The following R3HCC1L variants were observed in gnomAD, a reference collection of about 807,000 sequenced individuals.
R3HCC1L encodes the protein R3H domain and coiled-coil containing 1 like, also known as coiled-coil domain-containing protein R3HCC1L.
In R3HCC1L, 51 loss-of-function variants were observed where a neutral mutation model predicts 59.9. The observed-to-expected ratio is 0.85, with a 90% CI of 0.68 to 1.07. The LOEUF is 1.07. Among genes scored for constraint, R3HCC1L ranks in the 50% least tolerant of loss-of-function variants. The pLI, the probability that R3HCC1L is intolerant of heterozygous loss-of-function variation, is 0.00. For synonymous variants in R3HCC1L, 322 were observed against 315.2 expected, an observed-to-expected ratio of 1.02 and a Z score of -0.23; for missense variants, 965 against 933.0, an observed-to-expected ratio of 1.03 and a Z score of -0.45.
rs1375806285 is a variant in R3HCC1L, at chr10:98,231,503, C to T, written c.1786-9C>T. The T allele has an allele frequency of 1.2e-6, 2 of 1,608,018 alleles. No homozygotes were observed. The highest frequency in any genetic ancestry group is 1.1e-5 in the South Asian group (1 of 89,600). On this transcript the variant is annotated splice_polypyrimidine_tract_variant and intron_variant, in intron 5 of 9. Transcript: ENST00000298999. ...GTAACCGGCACTTAACGTGCTTCTTCCTTTCTAGTTATCAGGGAATACCAA... is the reference window on the plus strand; with the variant it reads ...GTAACCGGCACTTAACGTGCTTCTTTCTTTCTAGTTATCAGGGAATACCAA...
At chr10:98,147,342 T>C (rs532242758) in intron 1 of R3HCC1L, among the ~76,000 whole-genome samples, 4 of 152,302 alleles carry the variant, frequency 2.6e-5, no homozygotes, top group Admixed American at 2.6e-4. Flanking sequence ...AGTTTGCAAG[T>C]ATTTTCTCCA....
intron 5 of R3HCC1L, among the ~76,000 whole-genome samples, chr10:98,221,687 G>A (rs1178557433): frequency 1.3e-5 from 2 of 151,988 alleles, no homozygotes; most frequent in African/African-American, 2.4e-5. Context: ...TCAGATAGTT[G>A]TAGATATGCA....
chr10:98,198,367 T>G (rs1851679048), intron 4 of R3HCC1L, among the ~76,000 whole-genome samples: 1 of 152,084 alleles, frequency 6.6e-6, no homozygotes, highest in South Asian at 2.1e-4. Context: ...ACATATACAC[T>G]GCTGAATGGC....
Position 98,227,975 on chromosome 10 carries a change from C to T in R3HCC1L, c.1786-3537C>T, listed in dbSNP as rs563341727. The stretch of plus-strand genomic sequence containing the variant: ...ATGTGCCACATTTTCTTAATCCAGT[C>T]TATCATTATTGGACATTTGGGTTGG... On this transcript the variant is annotated intron_variant, in intron 5 of 9. Transcript: ENST00000298999. Among the ~76,000 whole-genome samples the T allele has an allele frequency of 2.6e-5, 4 of 152,198 alleles. No homozygotes were observed. The South Asian group carries it at 8.3e-4, about 32-fold the overall frequency.
In R3HCC1L at chr10:98,209,302, A is replaced by G; in HGVS notation, c.1188A>G (p.Val396=). ...SDHVTVDSPY[V]VAVRIADETS... ...ATGTAACTGTTGATAGCCCTTATGT[A>G]GTTGCAGTTAGAATAGCTGATGAGA... The change falls in exon 5 of 10, where the codon GTA becomes GTG. Residue 396 remains valine, a synonymous_variant. Coordinates refer to ENST00000298999, the MANE Select transcript of R3HCC1L (RefSeq NM_001351015.2). 6.2e-7 allele frequency: 1 copy of G among 1,613,950 alleles called. No individual in the cohort carries two copies. The highest frequency in any genetic ancestry group is 8.5e-7 in the Non-Finnish European group (1 of 1,179,900).
chr10:98,169,920 T>A (rs1169303084), intron 4 of R3HCC1L, among the ~76,000 whole-genome samples: 1 of 151,914 alleles, frequency 6.6e-6, no homozygotes, highest in South Asian at 2.1e-4. Context: ...AGTGCTTTTT[T>A]TTGGGAATTG....
rs924958055 is a variant in R3HCC1L, at chr10:98,148,999, C to A, written c.-267-7094C>A. On this transcript the variant is annotated intron_variant, in intron 1 of 9. Coordinates refer to ENST00000298999, the MANE Select transcript of R3HCC1L (RefSeq NM_001351015.2). ...ACCAGTGAAGCCATCAGGTCCTGAG[C>A]TTTTCTTTAATGGGAGACTTTTTAT... is the stretch of plus-strand genomic sequence containing the variant. 2.6e-5 allele frequency among the ~76,000 whole-genome samples: 4 copies of A among 152,106 alleles called. No homozygotes were observed. The East Asian group carries it at 7.7e-4, about 29-fold the overall frequency.
At chr10:98,202,002 A>G (rs1336678729) in intron 4 of R3HCC1L, among the ~76,000 whole-genome samples, 1 of 152,006 alleles carries the variant, frequency 6.6e-6, no homozygotes, top group Non-Finnish European at 1.5e-5. Flanking sequence ...CGTGGCCTCA[A>G]GCTGTCCTCC....
intron 5 of R3HCC1L, among the ~76,000 whole-genome samples, chr10:98,230,670 G>T (rs1047461287): frequency 3.3e-5 from 5 of 152,172 alleles, no homozygotes; most frequent in Non-Finnish European, 4.4e-5. Flanking sequence ...TGTGATGTTA[G>T]GGTGTCAATT....
At chr10:98,190,721 G>A (rs1850735605) in intron 4 of R3HCC1L, among the ~76,000 whole-genome samples, 1 of 152,082 alleles carries the variant, frequency 6.6e-6, no homozygotes, top group South Asian at 2.1e-4. Flanking sequence ...TGATACATAG[G>A]TATGCATGTG....
intron 5 of R3HCC1L, among the ~76,000 whole-genome samples, chr10:98,212,894 G>A (rs1853747640): frequency 6.6e-6 from 1 of 152,076 alleles, no homozygotes; most frequent in Admixed American, 6.6e-5. Flanking sequence ...AGAATTTGAG[G>A]CCTTCCCTTG....
At chr10:98,185,197 A>G (rs1036964669) in intron 4 of R3HCC1L, among the ~76,000 whole-genome samples, 4 of 151,928 alleles carry the variant, frequency 2.6e-5, no homozygotes, top group Non-Finnish European at 5.9e-5. Flanking sequence ...TTTTCCTCCA[A>G]ATTTGTATTT....
intron 5 of R3HCC1L, among the ~76,000 whole-genome samples, chr10:98,228,621 C>T (rs1029916141): frequency 3.3e-5 from 5 of 152,166 alleles, no homozygotes; most frequent in African/African-American, 1.2e-4. Context: ...GCTTTTGTTG[C>T]CATTGCTTTT....
chr10:98,174,644 G>C (rs1313442361), intron 4 of R3HCC1L: 6 of 985,256 alleles, frequency 6.1e-6, no homozygotes, highest in Non-Finnish European at 7.2e-6. Flanking sequence ...GGGCATTTCA[G>C]AAGTTGGAAG....
chr10:98,209,180 G>A lies in R3HCC1L; in HGVS notation c.1066G>A (p.Ala356Thr), dbSNP rs368725038. The change falls in exon 5 of 10, where the codon GCT becomes ACT. Residue 356 changes from alanine to threonine, a missense_variant. Physicochemically the swap from Ala to Thr is moderately conservative, Grantham distance 58. Coordinates refer to ENST00000298999, the MANE Select transcript of R3HCC1L (RefSeq NM_001351015.2). ...CGAACCTCCTGATACAGCTGTCCTTGCTCATGAAACACATAGAGATAGTGG... is the reference window on the plus strand; with the variant it reads ...CGAACCTCCTGATACAGCTGTCCTTACTCATGAAACACATAGAGATAGTGG... ...KHEPPDTAVL[A>T]HETHRDSGFK... 1.2e-6 allele frequency: 2 copies of A among 1,613,800 alleles called. No individual in the cohort carries two copies. Among genetic ancestry groups the A allele is most frequent in the Admixed American group, 1.7e-5 (1 of 60,008 alleles).
chr10:98,217,453 C>T (rs1854343758), intron 5 of R3HCC1L, among the ~76,000 whole-genome samples: 1 of 152,064 alleles, frequency 6.6e-6, no homozygotes, highest in Non-Finnish European at 1.5e-5. Context: ...TAGTGTGATA[C>T]CTCCAGATTT....
At position 98,158,083 on chromosome 10, in the gene R3HCC1L, C is replaced by T. The variant is rs958317817; in HGVS notation, c.-213+1936C>T. On this transcript the variant is annotated intron_variant, in intron 2 of 9. Transcript: ENST00000298999. ...TCTGTATTGTAAGAAAACTAGAATA[C>T]GCTGATAAACATGAGGAAGAAAATA... Among the ~76,000 whole-genome samples, 19 of 152,152 alleles carry T rather than the reference C, an allele frequency of 1.2e-4. No individual in the cohort carries two copies. The East Asian group carries it at 2.3e-3, about 18-fold the overall frequency.
intron 1 of R3HCC1L, among the ~76,000 whole-genome samples, chr10:98,143,188 TG>T (rs1845331860): frequency 6.6e-6 from 1 of 152,252 alleles, no homozygotes; most frequent in Non-Finnish European, 1.5e-5. Context: ...TTGGTAGTTC[TG>T]AACTTTTTTA....
chr10:98,201,794 G>A (rs1244868876), intron 4 of R3HCC1L, among the ~76,000 whole-genome samples: 1 of 151,970 alleles, frequency 6.6e-6, no homozygotes, highest in Non-Finnish European at 1.5e-5. Context: ...AAAAATGATA[G>A]TTGCCTTCAG....
Sources: allele counts gnomAD v4.1 joint callset (sites outside exome capture counted in the v4.1 genomes callset), GRCh38; gene constraint gnomAD v4.1.1; transcripts MANE v1.5; gene names NCBI Gene and HGNC (gene_info 2026-07-23, HGNC 2026-07-21).